The following TMEM132B variants were observed in gnomAD, a reference collection of about 807,000 sequenced individuals.
TMEM132B encodes the protein transmembrane protein 132B.
TMEM132B carries 18 observed loss-of-function variants against 90.8 expected under a neutral mutation model. The ratio of observed to expected loss-of-function variants is 0.20; its 90% CI spans 0.14 to 0.29. The LOEUF is 0.29. Ranked by LOEUF, TMEM132B falls within the 10% of genes least tolerant of loss-of-function variation. The probability of loss-of-function intolerance (pLI) is 1.00; values close to 1 mark genes in which losing one functional copy is unlikely to be tolerated. For missense variants in TMEM132B, 1,096 were observed against 1,326.8 expected (o/e 0.83, Z 2.70); for synonymous variants, 504 against 523.3 (o/e 0.96, Z 0.50).
chr12:125,553,049 AT>A (rs1013226920), intron 4 of TMEM132B, among the ~76,000 whole-genome samples: 1 of 152,222 alleles, frequency 6.6e-6, no homozygotes, highest in African/African-American at 2.4e-5. Context: ...GACATTGTAG[AT>A]TTAGGATTTT....
chr12:125,385,215 C>T (rs1173955818), intron 2 of TMEM132B, among the ~76,000 whole-genome samples: 1 of 152,114 alleles, frequency 6.6e-6, no homozygotes, highest in Non-Finnish European at 1.5e-5. Context: ...TTTGCTCTCA[C>T]AGCAAAAAAG....
At position 125,352,111 on chromosome 12, in the gene TMEM132B, G is replaced by A. The variant is rs78119495; in HGVS notation, c.959+1768G>A. Among the ~76,000 whole-genome samples the A allele has an allele frequency of 6.4e-3, 970 of 152,278 alleles. 11 individuals are homozygous for A. Among genetic ancestry groups the A allele is most frequent in the African/African-American group, 0.022 (929 of 41,542 alleles). On this transcript the variant is annotated intron_variant, in intron 2 of 8. Coordinates refer to ENST00000682704, the MANE Select transcript of TMEM132B (RefSeq NM_001366854.1). ...GTTCTAGAACTCTGCGTTCTAGACT[G>A]TGAGGTTCAAGTGCTTCTTCTTCAG... is the stretch of plus-strand genomic sequence containing the variant.
At chr12:125,284,543 A>G (rs911028634) in intron 1 of TMEM132B, among the ~76,000 whole-genome samples, 2 of 152,006 alleles carry the variant, frequency 1.3e-5, no homozygotes, top group East Asian at 1.9e-4. Context: ...TGAACTTTAT[A>G]TCTTCAAGGG....
At chr12:125,237,693 C>T (rs1292800633) in intron 1 of TMEM132B, among the ~76,000 whole-genome samples, 1 of 152,224 alleles carries the variant, frequency 6.6e-6, no homozygotes, top group African/African-American at 2.4e-5. Context: ...AGGTGATCTG[C>T]CTGCCTCAGC....
At chr12:125,310,235 A>G (rs1456662707) in intron 1 of TMEM132B, among the ~76,000 whole-genome samples, 2 of 152,166 alleles carry the variant, frequency 1.3e-5, no homozygotes, top group African/African-American at 4.8e-5. Context: ...TCTGGAAGAC[A>G]CCATCCACCA....
chr12:125,340,941 G>T (rs910953560), intron 1 of TMEM132B, among the ~76,000 whole-genome samples: 1 of 152,238 alleles, frequency 6.6e-6, no homozygotes, highest in African/African-American at 2.4e-5. Flanking sequence ...GCAGGGGCCA[G>T]TTGGGAGCAC....
intron 5 of TMEM132B, among the ~76,000 whole-genome samples, chr12:125,614,800 T>C: frequency 6.6e-6 from 1 of 152,202 alleles, no homozygotes; most frequent in East Asian, 1.9e-4. Context: ...TGGATTCAGA[T>C]TACTGTCTAG....
chr12:125,243,399 C>G (rs752804587), intron 1 of TMEM132B, among the ~76,000 whole-genome samples: 1 of 151,694 alleles, frequency 6.6e-6, no homozygotes, highest in Non-Finnish European at 1.5e-5. Flanking sequence ...CTCTGCCTCC[C>G]GGGTTCCAGC....
intron 1 of TMEM132B, among the ~76,000 whole-genome samples, chr12:125,321,083 C>G (rs1370552195): frequency 6.6e-6 from 1 of 152,182 alleles, no homozygotes; most frequent in African/African-American, 2.4e-5. Flanking sequence ...ATTGGTCTTG[C>G]CTGTCTAAAT....
chr12:125,296,434 C>T (rs905692555), intron 1 of TMEM132B, among the ~76,000 whole-genome samples: 1 of 152,194 alleles, frequency 6.6e-6, no homozygotes, highest in African/African-American at 2.4e-5. Flanking sequence ...CTCTCTACTT[C>T]ACACTGTCTG....
intron 1 of TMEM132B, among the ~76,000 whole-genome samples, chr12:125,245,377 C>A (rs1014306629): frequency 6.6e-6 from 1 of 150,592 alleles, no homozygotes; most frequent in South Asian, 2.2e-4. Flanking sequence ...TTGCCCCTCC[C>A]GCCCACCCCT....
intron 3 of TMEM132B, among the ~76,000 whole-genome samples, chr12:125,483,704 A>G (rs560676054): frequency 1.3e-5 from 2 of 152,336 alleles, no homozygotes; most frequent in East Asian, 3.9e-4. Flanking sequence ...ATGAATGGGT[A>G]TCAGGAAGGA....
At chr12:125,341,179 G>C (rs1877168782) in intron 1 of TMEM132B, among the ~76,000 whole-genome samples, 1 of 152,158 alleles carries the variant, frequency 6.6e-6, no homozygotes, top group Non-Finnish European at 1.5e-5. Context: ...ACTCTGCCTG[G>C]AGCTAAACTG....
At chr12:125,515,131 G>A (rs1883077830) in intron 3 of TMEM132B, among the ~76,000 whole-genome samples, 1 of 152,112 alleles carries the variant, frequency 6.6e-6, no homozygotes, top group African/African-American at 2.4e-5. Context: ...AACACACGCA[G>A]ACACACTCAC....
chr12:125,628,617 T>TA (rs1358464462), intron 5 of TMEM132B, among the ~76,000 whole-genome samples: 1 of 152,168 alleles, frequency 6.6e-6, no homozygotes, highest in African/African-American at 2.4e-5. Context: ...ACTTTGTAGA[T>TA]TGTTTCCTTT....
intron 5 of TMEM132B, among the ~76,000 whole-genome samples, chr12:125,596,663 C>T (rs1349649175): frequency 6.6e-6 from 1 of 152,134 alleles, no homozygotes; most frequent in Non-Finnish European, 1.5e-5. Flanking sequence ...GCCTCAGCCC[C>T]AAGTGATTGC....
intron 2 of TMEM132B, among the ~76,000 whole-genome samples, chr12:125,400,704 G>A (rs916254190): frequency 1.3e-5 from 2 of 152,214 alleles, no homozygotes; most frequent in Non-Finnish European, 2.9e-5. Context: ...TCTGTCTTTG[G>A]TTAATTTATC....
At chr12:125,348,037 A>G (rs1877418314) in intron 1 of TMEM132B, among the ~76,000 whole-genome samples, 1 of 152,254 alleles carries the variant, frequency 6.6e-6, no homozygotes. Context: ...ATACATTTAC[A>G]TATACATATG....
chr12:125,604,613 T>TA (rs1017982551), intron 5 of TMEM132B, among the ~76,000 whole-genome samples: 6 of 152,022 alleles, frequency 3.9e-5, no homozygotes, highest in South Asian at 2.1e-4. Context: ...TAAAGTAAAA[T>TA]AAAAAAAATA....
Sources: allele counts gnomAD v4.1 joint callset (sites outside exome capture counted in the v4.1 genomes callset), GRCh38; gene constraint gnomAD v4.1.1; transcripts MANE v1.5; gene names NCBI Gene and HGNC (gene_info 2026-07-23, HGNC 2026-07-21).